The following SLC25A21 variants were observed in gnomAD, a reference collection of about 807,000 sequenced individuals.
SLC25A21 encodes the protein solute carrier family 25 member 21.
Under a neutral mutation model 43.8 loss-of-function variants are expected in SLC25A21, and 47 were observed. The ratio of observed to expected loss-of-function variants is 1.07; its 90% CI spans 0.85 to 1.37. The LOEUF (loss-of-function observed/expected upper bound fraction) is 1.37, where lower values mean the gene tolerates loss of function less well. Ranked by LOEUF, SLC25A21 falls within the 40% of genes most tolerant of loss-of-function variation. SLC25A21 has a pLI of 0.00. For missense variants in SLC25A21, 352 were observed against 350.2 expected (o/e 1.00, Z -0.04); for synonymous variants, 131 against 121.3 (o/e 1.08, Z -0.52).
intron 1 of SLC25A21, among the ~76,000 whole-genome samples, chr14:37,115,775 A>G (rs1046072444): frequency 1.3e-5 from 2 of 152,184 alleles, no homozygotes; most frequent in Non-Finnish European, 1.5e-5. Flanking sequence ...ATCAACTTCA[A>G]TGAATTGCTT....
chr14:36,775,442 G>T (rs1026790619), intron 3 of SLC25A21, among the ~76,000 whole-genome samples: 1 of 152,068 alleles, frequency 6.6e-6, no homozygotes, highest in Non-Finnish European at 1.5e-5. Flanking sequence ...AATAGTTAAG[G>T]GCTTCCCAAA....
At chr14:36,902,434 T>C (rs1891421143) in intron 1 of SLC25A21, among the ~76,000 whole-genome samples, 2 of 128,288 alleles carry the variant, frequency 1.6e-5, no homozygotes, top group South Asian at 5.5e-4. Flanking sequence ...AAGTATCGTA[T>C]AGTAAAACAC....
intron 6 of SLC25A21, among the ~76,000 whole-genome samples, chr14:36,723,914 C>T (rs547969935): frequency 1.2e-4 from 16 of 136,466 alleles, no homozygotes; most frequent in African/African-American, 4.0e-4. Context: ...TGCTTCAAGA[C>T]AAGCTTCCCA....
intron 1 of SLC25A21, among the ~76,000 whole-genome samples, chr14:36,887,696 C>G (rs1418163581): frequency 1.3e-5 from 2 of 151,994 alleles, no homozygotes; most frequent in African/African-American, 2.4e-5. Context: ...TTATAGAGTA[C>G]CAGGACCTCT....
rs1959916901 is a variant in SLC25A21, at chr14:36,977,902, C to T, written c.71-102898G>A. On this transcript the variant is annotated intron_variant, in intron 1 of 9. Coordinates refer to ENST00000331299, the MANE Select transcript of SLC25A21 (RefSeq NM_030631.4). ...GATATGCGCTCAGAGATTTTTCTTT[C>T]TCTCTTTTATTTCACACACTCCTCA... Among the ~76,000 whole-genome samples the T allele has an allele frequency of 1.4e-5, 2 of 148,140 alleles. 1 individual carries two copies. The highest frequency in any genetic ancestry group is 4.2e-4 in the South Asian group (2 of 4,712).
At chr14:36,690,747 C>G (rs981832037) in intron 7 of SLC25A21, among the ~76,000 whole-genome samples, 2 of 152,012 alleles carry the variant, frequency 1.3e-5, no homozygotes, top group African/African-American at 4.8e-5. Flanking sequence ...GGAAATTGCT[C>G]CTGGGATTTC....
intron 1 of SLC25A21, among the ~76,000 whole-genome samples, chr14:37,078,361 C>T (rs1308694071): frequency 1.3e-5 from 2 of 152,070 alleles, no homozygotes; most frequent in African/African-American, 2.4e-5. Context: ...GAATGCAAAC[C>T]ACATTATCTT....
intron 1 of SLC25A21, among the ~76,000 whole-genome samples, chr14:37,051,002 C>T (rs1961691174): frequency 6.7e-6 from 1 of 148,806 alleles, no homozygotes; most frequent in African/African-American, 2.5e-5. Flanking sequence ...ACCACAGTTA[C>T]TCTCAATCAA....
At chr14:37,038,776 C>T (rs757068436) in intron 1 of SLC25A21, among the ~76,000 whole-genome samples, 1 of 152,104 alleles carries the variant, frequency 6.6e-6, no homozygotes, top group Admixed American at 6.5e-5. Context: ...AAGGGACTAG[C>T]GAGTATCTTC....
At chr14:36,796,375 T>C (rs1887670312) in intron 3 of SLC25A21, among the ~76,000 whole-genome samples, 1 of 143,648 alleles carries the variant, frequency 7.0e-6, no homozygotes, top group African/African-American at 2.7e-5. Flanking sequence ...ATTTATTTAT[T>C]TCTCTCTTTC....
chr14:37,113,087 G>A (rs1007523391), intron 1 of SLC25A21, among the ~76,000 whole-genome samples: 5 of 152,102 alleles, frequency 3.3e-5, no homozygotes, highest in Admixed American at 2.6e-4. Context: ...AGAGAGCTTC[G>A]TAAAATGATT....
At chr14:36,942,253 G>A (rs907457284) in intron 1 of SLC25A21, among the ~76,000 whole-genome samples, 1 of 152,026 alleles carries the variant, frequency 6.6e-6, no homozygotes, top group Non-Finnish European at 1.5e-5. Context: ...CAAGTGTCCT[G>A]AGAATATTTT....
chr14:36,820,859 T>C (rs2138459823), intron 2 of SLC25A21, among the ~76,000 whole-genome samples: 1 of 152,320 alleles, frequency 6.6e-6, no homozygotes, highest in East Asian at 1.9e-4. Context: ...AGTAATTACC[T>C]GAATATTACA....
At chr14:37,142,440 G>A (rs949076466) in intron 1 of SLC25A21, among the ~76,000 whole-genome samples, 2 of 152,110 alleles carry the variant, frequency 1.3e-5, no homozygotes, top group Admixed American at 6.5e-5. Flanking sequence ...AGCTCACTGC[G>A]GCCTCAGCTA....
chr14:37,045,032 C>A (rs556943835), intron 1 of SLC25A21, among the ~76,000 whole-genome samples: 1 of 152,196 alleles, frequency 6.6e-6, no homozygotes, highest in East Asian at 1.9e-4. Flanking sequence ...GTCTGGTTTC[C>A]CACTCTCCTC....
At chr14:37,007,953 A>G (rs1427894148) in intron 1 of SLC25A21, among the ~76,000 whole-genome samples, 1 of 41,510 alleles carries the variant, frequency 2.4e-5, no homozygotes, top group African/African-American at 1.9e-4. Context: ...ATGATCGCAC[A>G]ATTTTTTTTT....
intron 1 of SLC25A21, among the ~76,000 whole-genome samples, chr14:37,090,632 T>G (rs140319826): frequency 6.6e-6 from 1 of 152,290 alleles, no homozygotes; most frequent in African/African-American, 2.4e-5. Context: ...AGGGTCCCAG[T>G]TGAGAAAAAC....
At chr14:37,032,659 A>G (rs953499278) in intron 1 of SLC25A21, among the ~76,000 whole-genome samples, 2 of 109,600 alleles carry the variant, frequency 1.8e-5, no homozygotes, top group East Asian at 4.8e-4. Context: ...CAACAGAGTG[A>G]GACTCTGTCT....
chr14:36,762,702 C>G (rs1886207371), intron 3 of SLC25A21, among the ~76,000 whole-genome samples: 1 of 152,170 alleles, frequency 6.6e-6, no homozygotes, highest in African/African-American at 2.4e-5. Context: ...ACATGAATCT[C>G]TCTAAGTTTA....
Sources: allele counts gnomAD v4.1 joint callset (sites outside exome capture counted in the v4.1 genomes callset), GRCh38; gene constraint gnomAD v4.1.1; transcripts MANE v1.5; gene names NCBI Gene and HGNC (gene_info 2026-07-23, HGNC 2026-07-21).